GP6: variants seen among roughly 807,000 people sequenced by gnomAD.
The protein encoded by GP6 is glycoprotein VI platelet, also known as platelet glycoprotein VI.
In GP6, 45 loss-of-function variants were observed where a neutral mutation model predicts 37.3. The ratio of observed to expected loss-of-function variants is 1.21; its 90% confidence interval spans 0.95 to 1.55. GP6 has a LOEUF of 1.55. Ranked by LOEUF, GP6 falls within the 40% of genes most tolerant of loss-of-function variation. The pLI, the probability that GP6 is intolerant of heterozygous loss-of-function variation, is 0.00. For synonymous variants in GP6, 340 were observed against 316.4 expected, an observed-to-expected ratio of 1.07 and a Z score of -0.79; for missense variants, 813 against 760.2, an observed-to-expected ratio of 1.07 and a Z score of -0.82.
intron 6 of GP6, among the ~76,000 whole-genome samples, chr19:55,018,380 C>G (rs1224563423): frequency 3.3e-5 from 5 of 152,266 alleles, no homozygotes; most frequent in African/African-American, 1.2e-4. Flanking sequence ...AAGCCTAGGA[C>G]TTCATCCTGG....
At chr19:55,034,284 C>T (rs574049073) in intron 1 of GP6, among the ~76,000 whole-genome samples, 112 of 152,014 alleles carry the variant, frequency 7.4e-4, no homozygotes, top group African/African-American at 2.2e-3. Context: ...TGGCCGGGCA[C>T]GGTGGCTCAT....
chr19:55,029,918 G>A (rs552123681), intron 3 of GP6, among the ~76,000 whole-genome samples: 78 of 152,040 alleles, frequency 5.1e-4, no homozygotes, highest in Non-Finnish European at 9.4e-4. Context: ...AGAGGGGAGG[G>A]AGGCAGGATT....
rs1448694425 is a variant in GP6, at chr19:55,017,735, G to A, written c.724+917C>T. 2.0e-5 allele frequency among the ~76,000 whole-genome samples: 3 copies of A among 152,010 alleles called. No homozygotes were observed. The East Asian group carries it at 5.8e-4, about 29-fold the overall frequency. ...TGGAACTGCATCCTGAGGGTGATTG[G>A]GAGGTTCCGAACTGAAGATAGGGAA... On this transcript the variant is annotated intron_variant, in intron 6 of 7. Coordinates refer to ENST00000310373, the MANE Select transcript of GP6 (RefSeq NM_001083899.2).
intron 5 of GP6, among the ~76,000 whole-genome samples, chr19:55,023,640 A>G (rs906944910): frequency 2.6e-5 from 4 of 152,110 alleles, no homozygotes; most frequent in Non-Finnish European, 4.4e-5. Flanking sequence ...TCTGCTTCCT[A>G]TACGGCCTTC....
At chr19:55,032,625 G>T in intron 1 of GP6, 87 bp from the exon 2 acceptor site, 1 of 1,306,568 alleles carries the variant, frequency 7.7e-7, no homozygotes, top group Non-Finnish European at 1.1e-6. Flanking sequence ...ACATTTGCAT[G>T]CATATGCTTT....
chr19:55,035,029 A>G (rs2074776929), intron 1 of GP6, among the ~76,000 whole-genome samples: 2 of 152,196 alleles, frequency 1.3e-5, no homozygotes, highest in African/African-American at 4.8e-5. Flanking sequence ...GCGACGCTGT[A>G]CCATGGCTGG....
At position 55,015,860 on chromosome 19, in the gene GP6, GGGCAC is replaced by G. The variant is rs1056553886; in HGVS notation, c.725-132_725-128del. The G allele has an allele frequency of 2.6e-4, 186 of 715,972 alleles. 1 individual carries two copies. In the Admixed American group the frequency reaches 3.6e-3, roughly 14 times the overall value. The allele number at this position is 715,972 out of a possible 1,614,324, so 44.4% of individuals were successfully genotyped here. On this transcript the variant is annotated intron_variant, in intron 6 of 7. Transcript: ENST00000310373. The stretch of plus-strand genomic sequence containing the variant: ...ACAGCATTTAAGAAAAGCATGGGCC[GGGCAC>G]GGTGCCTCATGCCTATAATCCCAGC...
At chr19:55,017,337 C>T (rs2073914269) in intron 6 of GP6, among the ~76,000 whole-genome samples, 1 of 151,948 alleles carries the variant, frequency 6.6e-6, no homozygotes, top group Non-Finnish European at 1.5e-5. Context: ...GGCTGGTCTC[C>T]TGACCTCAGG....
chr19:55,017,394 G>A (rs902865109), intron 6 of GP6, among the ~76,000 whole-genome samples: 1 of 152,058 alleles, frequency 6.6e-6, no homozygotes, highest in Non-Finnish European at 1.5e-5. Flanking sequence ...TACAGACAAA[G>A]CGATAATTTT....
intron 3 of GP6, among the ~76,000 whole-genome samples, chr19:55,029,721 T>TAAAG (rs1555802476): frequency 1.4e-5 from 2 of 147,976 alleles, no homozygotes; most frequent in East Asian, 4.0e-4. Flanking sequence ...ACCACCAAGA[T>TAAAG]AAAAAAAGGT....
chr19:55,021,811 T>C (rs55676027), intron 5 of GP6, among the ~76,000 whole-genome samples: 115,883 of 152,080 alleles, frequency 0.76, 44,886 homozygotes, highest in Middle Eastern at 0.84. Context: ...TGAGCCACCG[T>C]GCCCGGCGTT....
Position 55,014,895 on chromosome 19 carries a change from A to C in GP6, c.1050T>G (p.Tyr350Ter), listed in dbSNP as rs772920810. 5 of 1,613,652 alleles carry C rather than the reference A, an allele frequency of 3.1e-6. No homozygotes were observed. In the East Asian group the frequency reaches 1.1e-4, roughly 36 times the overall value. ...TCCCATGCCATGATCCCTCCCTTGGATACGACCGTGCCTGGGGTTCAGCGG... is the reference window on the plus strand; with the variant it reads ...TCCCATGCCATGATCCCTCCCTTGGCTACGACCGTGCCTGGGGTTCAGCGG... The change falls in exon 8 of 8, where the codon TAT becomes TAG. Residue 350 changes from tyrosine (Y) to a stop codon, truncating the protein, a stop_gained. Coordinates refer to ENST00000310373, the MANE Select transcript of GP6 (RefSeq NM_001083899.2). LOFTEE classifies it low-confidence loss of function (END_TRUNC).
At chr19:55,035,623 A>G (rs1317709936) in intron 1 of GP6, among the ~76,000 whole-genome samples, 1 of 152,064 alleles carries the variant, frequency 6.6e-6, no homozygotes, top group Non-Finnish European at 1.5e-5. Context: ...AGGCTGAGGC[A>G]GGAGAATCGC....
rs1568622886 is a variant in GP6, at chr19:55,027,703, C to T, written c.485G>A (p.Arg162Lys). 4 of 1,613,600 alleles carry T rather than the reference C, an allele frequency of 2.5e-6. No individual in the cohort carries two copies. Among genetic ancestry groups the T allele is most frequent in the South Asian group, 2.2e-5 (2 of 91,072 alleles). Residue 162 changes from arginine to lysine, a missense_variant, in exon 4 of 8, where the codon AGG (arginine) becomes AAG (lysine). Coordinates refer to ENST00000310373, the MANE Select transcript of GP6 (RefSeq NM_001083899.2). ...CACCGTGATGATGGGAAAACTAGCC[C>T]TGTACCATCTCTCGGGATTCTTGTA...
chr19:55,025,205 CT>C lies in GP6; in HGVS notation c.664+12del. The C allele has an allele frequency of 6.7e-7, 1 of 1,498,594 alleles. No homozygotes were observed. Among genetic ancestry groups the C allele is most frequent in the South Asian group, 1.2e-5 (1 of 83,048 alleles). 92.8% of individuals were successfully genotyped at this position (1,498,594 alleles called of 1,614,324 possible). On this transcript the variant is annotated intron_variant, in intron 5 of 7. Coordinates refer to ENST00000310373, the MANE Select transcript of GP6 (RefSeq NM_001083899.2). ...CATACGCTGTGCACCAGAATGGACCCTGCAGAACCTACCTGCTACCGGGGAA... is the reference window on the plus strand; with the variant it reads ...CATACGCTGTGCACCAGAATGGACCCGCAGAACCTACCTGCTACCGGGGAA...
chr19:55,017,570 G>A (rs747200908), intron 6 of GP6, among the ~76,000 whole-genome samples: 3 of 152,102 alleles, frequency 2.0e-5, no homozygotes, highest in Non-Finnish European at 2.9e-5. Flanking sequence ...GTCAGGAGAG[G>A]TTAGGAAGCC....
Position 55,016,558 on chromosome 19 carries a change from T to C in GP6, c.725-825A>G, listed in dbSNP as rs1005093065. Among the ~76,000 whole-genome samples, 166 of 151,750 alleles carry C rather than the reference T, an allele frequency of 1.1e-3. 1 individual carries two copies. The highest frequency in any genetic ancestry group is 3.0e-3 in the African/African-American group (126 of 41,352). On this transcript the variant is annotated intron_variant, in intron 6 of 7. Coordinates refer to ENST00000310373, the MANE Select transcript of GP6 (RefSeq NM_001083899.2). ...GCCCAGCTAAGTTTTGTATTTTTAG[T>C]AGAGATGGGATTTCACCATATTGGC...
chr19:55,019,386 G>T (rs1178654793), intron 5 of GP6, among the ~76,000 whole-genome samples: 1 of 152,084 alleles, frequency 6.6e-6, no homozygotes, highest in Non-Finnish European at 1.5e-5. Flanking sequence ...TGGGATTACA[G>T]GCTGCGCCTG....
Position 55,014,797 on chromosome 19 carries a change from T to A in GP6, c.1148A>T (p.His383Leu). Reference sequence around the variant, plus strand: ...GATGGAACACCAGGAGGAGGCAGCATGGCCTCGTTTCCACAGCTGTAGCCT... The same window carrying A: ...GATGGAACACCAGGAGGAGGCAGCAAGGCCTCGTTTCCACAGCTGTAGCCT... Residue 383 changes from histidine (H) to leucine (L), a missense_variant, in exon 8 of 8, where the codon CAT (histidine) becomes CTT (leucine). Transcript: ENST00000310373. The A allele has an allele frequency of 6.2e-7, 1 of 1,613,932 alleles. No homozygotes were observed. Among genetic ancestry groups the A allele is most frequent in the South Asian group, 1.1e-5 (1 of 91,044 alleles).
Sources: gnomAD v4.1 joint callset for allele counts (sites outside exome capture counted in the v4.1 genomes callset) on GRCh38, gnomAD v4.1.1 for gene constraint, MANE v1.5 for transcripts, NCBI Gene and HGNC (gene_info 2026-07-23, HGNC 2026-07-21) for gene names.